Variants in RAB3IP observed in about 807,000 individuals in gnomAD.
RAB3IP encodes the protein RAB3A interacting protein.
Under a neutral mutation model 59.1 loss-of-function variants are expected in RAB3IP, and 36 were observed. That is an observed-to-expected ratio of 0.61 (90% CI 0.47 to 0.80). RAB3IP has a LOEUF of 0.80. Among genes scored for constraint, RAB3IP ranks in the 30% least tolerant of loss-of-function variants. The pLI, the probability that RAB3IP is intolerant of heterozygous loss-of-function variation, is 0.00. For synonymous variants in RAB3IP, 207 were observed against 191.2 expected (o/e 1.08, Z -0.68); for missense variants, 511 against 536.0 (o/e 0.95, Z 0.46).
intron 3 of RAB3IP, among the ~76,000 whole-genome samples, chr12:69,757,462 A>G (rs952200865): frequency 2.6e-5 from 4 of 152,246 alleles, no homozygotes; most frequent in African/African-American, 9.6e-5. Flanking sequence ...CAAAAAGAAG[A>G]CAGATTTATC....
chr12:69,810,975 G>A (rs1880356594), intron 8 of RAB3IP, among the ~76,000 whole-genome samples: 2 of 152,096 alleles, frequency 1.3e-5, no homozygotes, highest in African/African-American at 4.8e-5. Flanking sequence ...AAATACATTA[G>A]GTGTGTCCAG....
At chr12:69,800,370 A>G (rs1878186514) in intron 7 of RAB3IP, 33 bp downstream of exon 7, 2 of 1,358,430 alleles carry the variant, frequency 1.5e-6, no homozygotes, top group African/African-American at 1.5e-5. Flanking sequence ...GGAATTCATT[A>G]TAGTTGTTTC....
chr12:69,784,497 TGAAA>T (rs1036270091), intron 3 of RAB3IP, among the ~76,000 whole-genome samples: 3 of 151,086 alleles, frequency 2.0e-5, no homozygotes, highest in Admixed American at 6.6e-5. Context: ...GGATATTTTA[TGAAA>T]GAAATGTGAA....
At chr12:69,745,951 C>CT (rs199779653) in intron 1 of RAB3IP, among the ~76,000 whole-genome samples, 5,144 of 152,078 alleles carry the variant, frequency 0.034, 111 homozygotes, top group Non-Finnish European at 0.048. Context: ...CTCTCAGCCT[C>CT]TTTTTTTTAT....
intron 6 of RAB3IP, among the ~76,000 whole-genome samples, chr12:69,799,642 C>T (rs372191092): frequency 2.0e-5 from 3 of 151,944 alleles, no homozygotes; most frequent in Non-Finnish European, 4.4e-5. Context: ...GTTGGTTATG[C>T]AATAACATTT....
chr12:69,750,609 C>T (rs1429765052), intron 1 of RAB3IP, among the ~76,000 whole-genome samples: 2 of 141,626 alleles, frequency 1.4e-5, no homozygotes, highest in Non-Finnish European at 3.0e-5. Context: ...ATGAGAGTTT[C>T]CCAAAGTCTA....
chr12:69,794,700 T>A (rs1877168309), intron 5 of RAB3IP, among the ~76,000 whole-genome samples, 186 bp downstream of exon 5: 1 of 152,176 alleles, frequency 6.6e-6, no homozygotes, highest in African/African-American at 2.4e-5. Context: ...TCGTGTCCAT[T>A]TATATGAGAA....
Position 69,754,826 on chromosome 12 carries a change from T to C in RAB3IP, c.-25-558T>C, listed in dbSNP as rs544860871. 2.0e-5 allele frequency among the ~76,000 whole-genome samples: 3 copies of C among 152,322 alleles called. No homozygotes were observed. The South Asian group carries it at 6.2e-4, about 32-fold the overall frequency. ...TGAGTCTAAGATTGCATAATACTGTTAGATTTTGTTTTTAGTATTTTCATA... is the reference window on the plus strand; with the variant it reads ...TGAGTCTAAGATTGCATAATACTGTCAGATTTTGTTTTTAGTATTTTCATA... On this transcript the variant is annotated intron_variant, in intron 1 of 10. Coordinates refer to ENST00000247833, the MANE Select transcript of RAB3IP (RefSeq NM_022456.5).
chr12:69,800,743 C>T (rs1266448846), intron 7 of RAB3IP, among the ~76,000 whole-genome samples: 2 of 152,122 alleles, frequency 1.3e-5, no homozygotes, highest in African/African-American at 4.8e-5. Flanking sequence ...GTAATGCCTT[C>T]TTTGCCTGTG....
In RAB3IP at chr12:69,794,419, A is replaced by G. The variant is rs374266640; in HGVS notation, c.607-18A>G. ...AATGCTACTTTGTTTCTAAAATTTG[A>G]GATGTTAACTTTTTCAGGAAGCTCA... On this transcript the variant is annotated intron_variant, in intron 4 of 10. Coordinates refer to ENST00000247833, the MANE Select transcript of RAB3IP (RefSeq NM_022456.5). The G allele has an allele frequency of 1.4e-5, 22 of 1,593,572 alleles. No individual in the cohort carries two copies. In the South Asian group the frequency reaches 2.5e-4, roughly 18 times the overall value.
intron 3 of RAB3IP, among the ~76,000 whole-genome samples, chr12:69,757,861 T>C (rs1435689514): frequency 6.6e-6 from 1 of 152,226 alleles, no homozygotes; most frequent in Non-Finnish European, 1.5e-5. Context: ...TTTGAGTATA[T>C]GTATCCATCT....
At chr12:69,812,564 A>G (rs1380331579) in intron 8 of RAB3IP, 4 of 468,050 alleles carry the variant, frequency 8.5e-6, no homozygotes, top group Non-Finnish European at 1.5e-5. Flanking sequence ...GGTTAATGTT[A>G]TGGCATTAAA....
intron 10 of RAB3IP, 100 bp from the exon 11 acceptor site, chr12:69,815,264 A>G: frequency 1.2e-6 from 1 of 829,306 alleles, no homozygotes; most frequent in Middle Eastern, 2.4e-4. Flanking sequence ...ATCTTTAGGA[A>G]ATGCACAATT....
Position 69,813,014 on chromosome 12 carries a change from A to G in RAB3IP, c.1281A>G (p.Gly427=), listed in dbSNP as rs779126522. 1.2e-6 allele frequency: 2 copies of G among 1,612,198 alleles called. No homozygotes were observed. Among genetic ancestry groups the G allele is most frequent in the Non-Finnish European group, 1.7e-6 (2 of 1,178,842 alleles). ...CATACATTCGATACATTCAGCAGGG[A>G]CTCGTGAAACAGCAGGATGGTGAGT... is the stretch of plus-strand genomic sequence containing the variant. ...FFTYIRYIQQ[G]LVKQQDVDQM... Residue 427 remains glycine (G), a synonymous_variant, in exon 10 of 11, where the codon GGA becomes GGG. Transcript: ENST00000247833.
intron 3 of RAB3IP, among the ~76,000 whole-genome samples, chr12:69,780,316 C>T (rs1346354263): frequency 6.6e-6 from 1 of 152,224 alleles, no homozygotes; most frequent in African/African-American, 2.4e-5. Flanking sequence ...GGCTGGTGAG[C>T]TTGCACCAGT....
intron 1 of RAB3IP, chr12:69,739,856 A>T (rs779216676): frequency 6.2e-7 from 1 of 1,611,898 alleles, no homozygotes; most frequent in South Asian, 1.1e-5. Flanking sequence ...TATGGGATTA[A>T]AAAAGATGAA....
At chr12:69,810,799 C>A (rs186857120) in intron 8 of RAB3IP, among the ~76,000 whole-genome samples, 1 of 152,068 alleles carries the variant, frequency 6.6e-6, no homozygotes, top group African/African-American at 2.4e-5. Flanking sequence ...AAGAGGATTA[C>A]GGTCTAGATT....
rs1208041776 is a variant in RAB3IP at position 69,817,416 on chromosome 12, T to C, written c.*1970T>C. The C allele has an allele frequency of 1.3e-5, 2 of 151,276 alleles. No individual in the cohort carries two copies. Among genetic ancestry groups the C allele is most frequent in the African/African-American group, 4.9e-5 (2 of 41,216 alleles). The allele number at this position is 151,276 out of a possible 1,614,324, so 9.4% of individuals were successfully genotyped here. A position where few individuals can be genotyped will look rare whatever the true frequency, so the allele number is the denominator to read the frequency against. On this transcript the variant is annotated 3_prime_UTR_variant, in exon 11 of 11. Coordinates refer to ENST00000247833, the MANE Select transcript of RAB3IP (RefSeq NM_022456.5). ...ATTATCTTCCTGATCCTACTCCCTT[T>C]AGGAAGAACTTCTTAAACTGGAAGC...
intron 6 of RAB3IP, among the ~76,000 whole-genome samples, chr12:69,799,436 G>C (rs1027658976): frequency 2.0e-5 from 3 of 152,136 alleles, no homozygotes; most frequent in Admixed American, 1.3e-4. Flanking sequence ...AAGAATACTT[G>C]GGGAAAATTT....
Sources: gnomAD v4.1 joint callset for allele counts (sites outside exome capture counted in the v4.1 genomes callset) on GRCh38, gnomAD v4.1.1 for gene constraint, MANE v1.5 for transcripts, NCBI Gene and HGNC (gene_info 2026-07-23, HGNC 2026-07-21) for gene names.